CBFB: variants seen among roughly 807,000 people sequenced by gnomAD.
CBFB encodes the protein CBF-beta.
Under a neutral mutation model 30.4 loss-of-function variants are expected in CBFB, and 9 were observed. The ratio of observed to expected loss-of-function variants is 0.30; its 90% CI spans 0.18 to 0.52. CBFB has a LOEUF of 0.52. Ranked by LOEUF, CBFB falls within the 20% of genes least tolerant of loss-of-function variation. CBFB has a pLI of 0.97. For synonymous variants in CBFB, 94 were observed against 84.0 expected (o/e 1.12, Z -0.65); for missense variants, 170 against 244.0 (o/e 0.70, Z 2.02).
In CBFB at chr16:67,036,544, G is replaced by T. The variant is rs752436774; in HGVS notation, c.166-95G>T. 1.8e-4 allele frequency: 133 copies of T among 741,052 alleles called. 1 individual carries two copies. Among genetic ancestry groups the T allele is most frequent in the Middle Eastern group, 9.6e-4 (4 of 4,152 alleles). The allele number at this position is 741,052 out of a possible 1,614,324, so 45.9% of individuals were successfully genotyped here. A position where few individuals can be genotyped will look rare whatever the true frequency, so the allele number is the denominator to read the frequency against. Reference sequence around the variant, plus strand: ...TTTTAAGTATTCTCTGTGCTGCCTGGCTTAAGACATAAACTGATGTAAAAA... The same window carrying T: ...TTTTAAGTATTCTCTGTGCTGCCTGTCTTAAGACATAAACTGATGTAAAAA... On this transcript the variant is annotated intron_variant, in intron 2 of 5. Coordinates refer to ENST00000412916, the MANE Select transcript of CBFB (RefSeq NM_022845.3).
At chr16:67,037,666 A>ATTTTTTTTTTTTTTTTT (rs35804914) in intron 3 of CBFB, among the ~76,000 whole-genome samples, 2 of 129,288 alleles carry the variant, frequency 1.5e-5, no homozygotes, top group African/African-American at 6.2e-5. Flanking sequence ...GATTTTGGTA[A>ATTTTTTTTTTTTTTTTT]TTTTTTTTTT....
chr16:67,073,613 G>A (rs1567618401), intron 4 of CBFB, among the ~76,000 whole-genome samples: 3 of 151,634 alleles, frequency 2.0e-5, no homozygotes, highest in African/African-American at 7.3e-5. Context: ...ATGGTGGTGC[G>A]TGCCTGTGGT....
chr16:67,099,852 T>C lies in CBFB; in HGVS notation c.*1074T>C. On this transcript the variant is annotated 3_prime_UTR_variant, in exon 6 of 6. Coordinates refer to ENST00000412916, the MANE Select transcript of CBFB (RefSeq NM_022845.3). ...GATAGCTGCTTTTATGTGTATTTTA[T>C]ATTGCATGCTTTTGTAAAAACATGC... The C allele has an allele frequency of 4.7e-6, 1 of 212,356 alleles. No homozygotes were observed. Among genetic ancestry groups the C allele is most frequent in the East Asian group, 7.1e-5 (1 of 14,104 alleles). The allele number at this position is 212,356 out of a possible 1,614,324, so 13.2% of individuals were successfully genotyped here.
intron 3 of CBFB, among the ~76,000 whole-genome samples, chr16:67,064,654 C>G (rs1961004176): frequency 6.6e-6 from 1 of 152,072 alleles, no homozygotes; most frequent in Non-Finnish European, 1.5e-5. Context: ...ACCGTCCTTT[C>G]TGGGTGGATA....
chr16:67,053,440 A>G (rs561242179), intron 3 of CBFB, among the ~76,000 whole-genome samples: 2 of 151,812 alleles, frequency 1.3e-5, no homozygotes, highest in South Asian at 2.1e-4. Flanking sequence ...TATTTTTAGT[A>G]GAGATGGGGT....
rs1350608392 is a variant in CBFB at position 67,098,769 on chromosome 16, A to G, written c.555A>G (p.Lys185=). 1 of 1,592,176 alleles carries G rather than the reference A, an allele frequency of 6.3e-7. No individual in the cohort carries two copies. Among genetic ancestry groups the G allele is most frequent in the South Asian group, 1.1e-5 (1 of 90,588 alleles). ...GSNLGGGDDL[K]LR ...ATTTAGGTGGTGGTGATGACCTCAA[A>G]CTTCGTTAATTAATAGCACAGCAGA... is the stretch of plus-strand genomic sequence containing the variant. Residue 185 remains lysine, a synonymous_variant, in exon 6 of 6, where the codon AAA becomes AAG. Transcript: ENST00000412916.
At chr16:67,081,509 G>T (rs962744168) in intron 4 of CBFB, among the ~76,000 whole-genome samples, 2 of 151,730 alleles carry the variant, frequency 1.3e-5, no homozygotes, top group Admixed American at 6.6e-5. Flanking sequence ...TGTTTCTGTC[G>T]GAATAAAAAA....
chr16:67,070,557 T>G (rs1464971383), intron 4 of CBFB, among the ~76,000 whole-genome samples: 1 of 152,102 alleles, frequency 6.6e-6, no homozygotes, highest in African/African-American at 2.4e-5. Context: ...TTTAAAAAAC[T>G]AAAGTATTTT....
At chr16:67,040,206 G>A (rs1170758271) in intron 3 of CBFB, among the ~76,000 whole-genome samples, 1 of 152,140 alleles carries the variant, frequency 6.6e-6, no homozygotes, top group Non-Finnish European at 1.5e-5. Flanking sequence ...CACAGGACTA[G>A]GACTGGAAGC....
chr16:67,032,110 C>T (rs1338310846), intron 2 of CBFB, among the ~76,000 whole-genome samples: 2 of 152,254 alleles, frequency 1.3e-5, no homozygotes, highest in South Asian at 2.1e-4. Context: ...ATTATGAATT[C>T]AACCCATAGG....
At chr16:67,056,457 G>A (rs1219191439) in intron 3 of CBFB, among the ~76,000 whole-genome samples, 2 of 152,170 alleles carry the variant, frequency 1.3e-5, no homozygotes, top group Non-Finnish European at 2.9e-5. Flanking sequence ...CAGTGGTTTA[G>A]TGTTCACTGA....
chr16:67,048,746 GT>G (rs1345886504), intron 3 of CBFB, among the ~76,000 whole-genome samples: 1 of 147,608 alleles, frequency 6.8e-6, no homozygotes, highest in Non-Finnish European at 1.5e-5. Flanking sequence ...GTAGAGACGG[GT>G]TTTCACCATG....
intron 3 of CBFB, among the ~76,000 whole-genome samples, chr16:67,044,461 C>A (rs941743676): frequency 6.6e-6 from 1 of 151,940 alleles, no homozygotes; most frequent in Non-Finnish European, 1.5e-5. Flanking sequence ...TGTCAGACAT[C>A]GAGAAGTATT....
intron 5 of CBFB, among the ~76,000 whole-genome samples, chr16:67,090,836 C>T (rs1433247772): frequency 6.6e-6 from 1 of 152,214 alleles, no homozygotes; most frequent in Admixed American, 6.5e-5. Context: ...TATGTGGAAA[C>T]TATTTGGAAA....
chr16:67,090,598 T>G (rs890497771), intron 5 of CBFB, among the ~76,000 whole-genome samples: 1 of 152,240 alleles, frequency 6.6e-6, no homozygotes, highest in African/African-American at 2.4e-5. Flanking sequence ...TGCCTTCAAC[T>G]TGATTGGCCT....
chr16:67,084,626 G>GT (rs1555539552), intron 5 of CBFB, among the ~76,000 whole-genome samples: 2 of 152,116 alleles, frequency 1.3e-5, no homozygotes, highest in Non-Finnish European at 1.5e-5. Flanking sequence ...GGCTAAGATG[G>GT]TAAGTTTTAT....
intron 3 of CBFB, among the ~76,000 whole-genome samples, chr16:67,052,819 C>T (rs181900639): frequency 1.3e-5 from 2 of 151,910 alleles, no homozygotes; most frequent in East Asian, 3.9e-4. Flanking sequence ...AATAATTAGC[C>T]AGGTGTCGTG....
At chr16:67,045,782 CTTCTACT>C (rs1226691412) in intron 3 of CBFB, among the ~76,000 whole-genome samples, 63 of 151,032 alleles carry the variant, frequency 4.2e-4, no homozygotes, top group African/African-American at 1.5e-3. Context: ...CCCCTCCTTC[CTTCTACT>C]TTCTACATTT....
intron 5 of CBFB, among the ~76,000 whole-genome samples, chr16:67,098,365 G>A (rs1220462501): frequency 6.6e-6 from 1 of 152,082 alleles, no homozygotes; most frequent in Non-Finnish European, 1.5e-5. Context: ...TCGAACTCCT[G>A]ACCTCAAATG....
Sources: allele counts gnomAD v4.1 joint callset (sites outside exome capture counted in the v4.1 genomes callset), GRCh38; gene constraint gnomAD v4.1.1; transcripts MANE v1.5; gene names NCBI Gene and HGNC (gene_info 2026-07-23, HGNC 2026-07-21).